The following PLA1A variants were observed in gnomAD, a reference collection of about 807,000 sequenced individuals.
PLA1A encodes the protein phospholipase A1 member A.
In PLA1A, 47 loss-of-function variants were observed where a neutral mutation model predicts 49.4. The ratio of observed to expected loss-of-function variants is 0.95; its 90% CI spans 0.75 to 1.21. The LOEUF is 1.21. Among genes scored for constraint, PLA1A ranks in the 50% most tolerant of loss-of-function variants. PLA1A has a pLI of 0.00. For synonymous variants in PLA1A, 224 were observed against 207.9 expected (o/e 1.08, Z -0.67); for missense variants, 561 against 563.9 (o/e 0.99, Z 0.05).
At chr3:119,620,211 A>T (rs2082911139) in intron 8 of PLA1A, 1 of 453,682 alleles carries the variant, frequency 2.2e-6, no homozygotes, top group Admixed American at 2.4e-5. Flanking sequence ...CTAAACCGTC[A>T]TCCTTCCCTA....
chr3:119,618,431 T>A (rs1560084652), intron 7 of PLA1A, among the ~76,000 whole-genome samples: 1 of 152,160 alleles, frequency 6.6e-6, no homozygotes, highest in Non-Finnish European at 1.5e-5. Flanking sequence ...CCTTCCCACA[T>A]ACAGGTTCCT....
chr3:119,609,029 G>C, intron 3 of PLA1A, 82 bp downstream of exon 3: 1 of 1,187,054 alleles, frequency 8.4e-7, no homozygotes, highest in Non-Finnish European at 1.2e-6. Flanking sequence ...GCCTGAGGAG[G>C]CTTAGGGTGG....
chr3:119,612,740 G>A (rs933674715), intron 4 of PLA1A, among the ~76,000 whole-genome samples: 4 of 152,076 alleles, frequency 2.6e-5, no homozygotes, highest in South Asian at 2.1e-4. Context: ...CGCCTGCCTC[G>A]GCCTCCCAAA....
chr3:119,608,474 G>A (rs1369487241), intron 2 of PLA1A, among the ~76,000 whole-genome samples: 5 of 152,164 alleles, frequency 3.3e-5, no homozygotes, highest in Non-Finnish European at 7.3e-5. Flanking sequence ...CCTGACAAAA[G>A]GCTGATGAGG....
At chr3:119,626,215 G>A (rs2052534207) in intron 9 of PLA1A, among the ~76,000 whole-genome samples, 2 of 152,156 alleles carry the variant, frequency 1.3e-5, no homozygotes, top group South Asian at 2.1e-4. Context: ...TGGGAAGTGC[G>A]GCCCCTCTGG....
intron 3 of PLA1A, 94 bp downstream of exon 3, chr3:119,609,041 A>C: frequency 2.0e-6 from 2 of 1,024,530 alleles, no homozygotes; most frequent in Non-Finnish European, 2.9e-6. Context: ...TTAGGGTGGA[A>C]GCAGAGTCAC....
intron 4 of PLA1A, among the ~76,000 whole-genome samples, chr3:119,611,302 TC>T (rs2082761988): frequency 6.6e-6 from 1 of 152,204 alleles, no homozygotes; most frequent in Non-Finnish European, 1.5e-5. Flanking sequence ...CTATTTGGGT[TC>T]TTTTTTTGTG....
intron 2 of PLA1A, 115 bp from the exon 3 acceptor site, chr3:119,608,655 G>A (rs1407384325): frequency 4.9e-6 from 4 of 818,106 alleles, no homozygotes; most frequent in African/African-American, 3.4e-5. Context: ...CTCCTCATAT[G>A]AGCCCTTCTC....
chr3:119,612,646 G>A (rs1000476254), intron 4 of PLA1A, among the ~76,000 whole-genome samples: 8 of 152,060 alleles, frequency 5.3e-5, no homozygotes, highest in African/African-American at 1.7e-4. Flanking sequence ...CCGCCACTAC[G>A]CCCAGCTGAT....
At chr3:119,606,497 G>A (rs889458852) in intron 1 of PLA1A, among the ~76,000 whole-genome samples, 4 of 152,152 alleles carry the variant, frequency 2.6e-5, no homozygotes, top group Non-Finnish European at 5.9e-5. Context: ...AGTTCAGCCC[G>A]GAACAACAGC....
chr3:119,618,952 A>G (rs1428840202), intron 7 of PLA1A, among the ~76,000 whole-genome samples: 3 of 152,168 alleles, frequency 2.0e-5, no homozygotes, highest in Non-Finnish European at 4.4e-5. Context: ...ACCAGTCATC[A>G]TTATTTCCTA....
chr3:119,620,543 C>G (rs747055577), intron 8 of PLA1A, among the ~76,000 whole-genome samples: 8 of 152,180 alleles, frequency 5.3e-5, no homozygotes, highest in Non-Finnish European at 1.2e-4. Flanking sequence ...GTTATTTAAA[C>G]TCTCTGAACT....
At chr3:119,602,813 A>G (rs2688639) in intron 1 of PLA1A, among the ~76,000 whole-genome samples, 38,121 of 152,018 alleles carry the variant, frequency 0.25, 6,226 homozygotes, top group East Asian at 0.46. Flanking sequence ...AGAGAAATGA[A>G]GTGAGGAACA....
chr3:119,611,578 G>T (rs533703052), intron 4 of PLA1A, among the ~76,000 whole-genome samples: 10 of 151,974 alleles, frequency 6.6e-5, no homozygotes, highest in African/African-American at 2.4e-4. Context: ...TTGCTGTTTT[G>T]GTTAGGTGTG....
chr3:119,623,773 G>A (rs1333147204), intron 8 of PLA1A, among the ~76,000 whole-genome samples: 1 of 131,342 alleles, frequency 7.6e-6, no homozygotes, highest in Non-Finnish European at 1.5e-5. Context: ...CACCCAGGCT[G>A]TAATGCAACG....
At chr3:119,607,061 G>A in intron 2 of PLA1A, 86 bp downstream of exon 2, 1 of 1,093,636 alleles carries the variant, frequency 9.1e-7, no homozygotes, top group South Asian at 1.3e-5. Context: ...GCAACAAGGG[G>A]AGGAATGAAT....
intron 1 of PLA1A, among the ~76,000 whole-genome samples, chr3:119,603,477 T>C (rs2082644418): frequency 6.6e-6 from 1 of 152,250 alleles, no homozygotes; most frequent in Admixed American, 6.5e-5. Flanking sequence ...TTATTTTCTA[T>C]TTCTTCAATT....
rs763078561 is a variant in PLA1A, at chr3:119,629,659, C to T, written c.*191C>T. Reference sequence around the variant, plus strand: ...AACTCATTTTACAGAACTTGGTTTCCTTTGCCGATCTTATGTACATACCCA... The same window carrying T: ...AACTCATTTTACAGAACTTGGTTTCTTTTGCCGATCTTATGTACATACCCA... On this transcript the variant is annotated 3_prime_UTR_variant, in exon 11 of 11. Coordinates refer to ENST00000273371, the MANE Select transcript of PLA1A (RefSeq NM_015900.4). The T allele has an allele frequency of 4.0e-5, 23 of 574,996 alleles. No individual in the cohort carries two copies. The highest frequency in any genetic ancestry group is 6.5e-5 in the Non-Finnish European group (21 of 323,416). 35.6% of individuals were successfully genotyped at this position (574,996 alleles called of 1,614,324 possible). A position where few individuals can be genotyped will look rare whatever the true frequency, so the allele number is the denominator to read the frequency against.
In PLA1A at chr3:119,608,850, T is replaced by C; in HGVS notation, c.356T>C (p.Val119Ala). The stretch of plus-strand genomic sequence containing the variant: ...GCAACGAATGCTAATGTGATTGCCG[T>C]GGACTGGATTTATGGGTCTACAGGA... ...LRATNANVIA[V>A]DWIYGSTGVY... Residue 119 changes from valine to alanine, a missense_variant, in exon 3 of 11, where the codon GTG becomes GCG. Val to Ala is a moderately conservative substitution (Grantham distance 64). Transcript: ENST00000273371. 6.2e-7 allele frequency: 1 copy of C among 1,613,700 alleles called. No homozygotes were observed. Among genetic ancestry groups the C allele is most frequent in the South Asian group, 1.1e-5 (1 of 91,076 alleles).
Sources: allele counts gnomAD v4.1 joint callset (sites outside exome capture counted in the v4.1 genomes callset), GRCh38; gene constraint gnomAD v4.1.1; transcripts MANE v1.5; gene names NCBI Gene and HGNC (gene_info 2026-07-23, HGNC 2026-07-21).